The following FHAD1 variants were observed in gnomAD, a reference collection of about 807,000 sequenced individuals.
FHAD1 encodes forkhead-associated domain-containing protein 1.
A neutral mutation model predicts 191.3 loss-of-function variants in FHAD1; 146 were observed. The ratio of observed to expected loss-of-function variants is 0.76; its 90% CI spans 0.67 to 0.88. The LOEUF is 0.88. FHAD1 is among the 40% of genes least tolerant of loss of function. The pLI is 0.00. For synonymous variants in FHAD1, 616 were observed against 672.3 expected, an observed-to-expected ratio of 0.92 and a Z score of 1.29; for missense variants, 1,635 against 1,785.8, an observed-to-expected ratio of 0.92 and a Z score of 1.52.
intron 19 of FHAD1, among the ~76,000 whole-genome samples, chr1:15,352,355 G>A (rs1691197705): frequency 6.6e-6 from 1 of 152,108 alleles, no homozygotes; most frequent in African/African-American, 2.4e-5. Flanking sequence ...TGGCGTTTGT[G>A]TTCTCAGCTC....
chr1:15,323,065 C>T (rs1327533436), intron 10 of FHAD1, among the ~76,000 whole-genome samples: 7 of 152,162 alleles, frequency 4.6e-5, no homozygotes, highest in African/African-American at 1.7e-4. Flanking sequence ...GAGAACAGCA[C>T]GGGAAAGTCC....
chr1:15,362,860 G>A (rs1009591723), intron 23 of FHAD1, 134 bp downstream of exon 23: 10 of 685,848 alleles, frequency 1.5e-5, no homozygotes, highest in African/African-American at 3.5e-5. Flanking sequence ...TGCCTTCCCA[G>A]TGCTGCTTCC....
chr1:15,262,616 C>T lies in FHAD1; in HGVS notation c.94-9707C>T, dbSNP rs144655637. Among the ~76,000 whole-genome samples the T allele has an allele frequency of 7.2e-4, 110 of 152,330 alleles. 1 individual carries two copies. Among genetic ancestry groups the T allele is most frequent in the African/African-American group, 2.5e-3 (104 of 41,580 alleles). ...AGCATATGTTCTCAAGGTTCATCCA[C>T]GTTGTGGCAGAATTTCCTTTCTTTT... On this transcript the variant is annotated intron_variant, in intron 2 of 33. Coordinates refer to ENST00000688493, the MANE Select transcript of FHAD1 (RefSeq NM_001391957.1).
intron 10 of FHAD1, among the ~76,000 whole-genome samples, chr1:15,322,907 C>G (rs1434247364): frequency 3.3e-5 from 5 of 152,220 alleles, no homozygotes; most frequent in African/African-American, 1.2e-4. Context: ...ATTGGACTTA[C>G]AGTTCCACAT....
Position 15,381,155 on chromosome 1 carries a change from T to A in FHAD1, c.3802-76T>A. 1.1e-6 allele frequency: 1 copy of A among 941,532 alleles called. No individual in the cohort carries two copies. Among genetic ancestry groups the A allele is most frequent in the South Asian group, 1.6e-5 (1 of 64,018 alleles). The allele number at this position is 941,532 out of a possible 1,614,324, so 58.3% of individuals were successfully genotyped here. A position where few individuals can be genotyped will look rare whatever the true frequency, so the allele number is the denominator to read the frequency against. On this transcript the variant is annotated intron_variant, in intron 29 of 33. Transcript: ENST00000688493. The surrounding 1 kb of genome is among the most constrained non-coding windows in gnomAD (Gnocchi z 4.6). ...ATTGCAGAAAGTGAATGAAACAGAATTAGACATTGGCCTCCTTAAAGCGGC... is the reference window on the plus strand; with the variant it reads ...ATTGCAGAAAGTGAATGAAACAGAAATAGACATTGGCCTCCTTAAAGCGGC...
intron 21 of FHAD1, among the ~76,000 whole-genome samples, chr1:15,358,801 G>A (rs1044179319): frequency 2.0e-5 from 3 of 152,082 alleles, no homozygotes; most frequent in Admixed American, 6.5e-5. Flanking sequence ...ACGTTCAACC[G>A]ACAGGTTTCT....
At chr1:15,283,733 A>T (rs1282931005) in intron 3 of FHAD1, among the ~76,000 whole-genome samples, 1 of 152,150 alleles carries the variant, frequency 6.6e-6, no homozygotes, top group Non-Finnish European at 1.5e-5. Context: ...GGTGCTGCAC[A>T]TACCCTGTGA....
intron 4 of FHAD1, among the ~76,000 whole-genome samples, chr1:15,291,473 T>C (rs1409859600): frequency 1.3e-5 from 2 of 152,342 alleles, no homozygotes; most frequent in African/African-American, 4.8e-5. Context: ...TAAAATAAGT[T>C]TCCTACAGCT....
rs374360835 is a variant in FHAD1, at chr1:15,308,667, C to T, written c.970C>T (p.Arg324Trp). ...GGTGCTGTGCCAGACCCTGTCAGAG[C>T]GGAACTCAGAAATCACATCCCTGAA... is the stretch of plus-strand genomic sequence containing the variant. ...SKVLCQTLSE[R>W]NSEITSLKNE... The change falls in exon 7 of 34, where the codon CGG (arginine) becomes TGG (tryptophan). Residue 324 changes from arginine (R) to tryptophan (W), a missense_variant. Transcript: ENST00000688493. The T allele has an allele frequency of 4.0e-5, 62 of 1,551,628 alleles. No individual in the cohort carries two copies. Among genetic ancestry groups the T allele is most frequent in the Non-Finnish European group, 4.4e-5 (51 of 1,147,006 alleles).
intron 31 of FHAD1, chr1:15,384,215 C>G: frequency 6.3e-6 from 1 of 159,770 alleles, no homozygotes; most frequent in Non-Finnish European, 1.4e-5. Flanking sequence ...TTGCAGCCCC[C>G]AAAAATGAAG....
rs1672594887 is a variant in FHAD1 at position 15,312,541 on chromosome 1, A to C, written c.1040-516A>C. Among the ~76,000 whole-genome samples the C allele has an allele frequency of 6.6e-6, 1 of 152,204 alleles. No individual in the cohort carries two copies. Among genetic ancestry groups the C allele is most frequent in the African/African-American group, 2.4e-5 (1 of 41,456 alleles). On this transcript the variant is annotated intron_variant, in intron 7 of 33. Coordinates refer to ENST00000688493, the MANE Select transcript of FHAD1 (RefSeq NM_001391957.1). This position sits in a 1 kb window ranked among gnomAD's most constrained non-coding sequence, Gnocchi z 4.7. ...GCCAGGCATAGTGGCACGTACCTGT[A>C]GTCCTAGCTACTTGGGAGGCCAAGG...
At chr1:15,342,169 G>A (rs1183285949) in intron 16 of FHAD1, among the ~76,000 whole-genome samples, 1 of 152,208 alleles carries the variant, frequency 6.6e-6, no homozygotes, top group East Asian at 1.9e-4. Flanking sequence ...TGAGATCTGA[G>A]TCATCGCTGC....
intron 18 of FHAD1, 54 bp from the exon 19 acceptor site, chr1:15,348,988 C>A: frequency 9.6e-7 from 1 of 1,036,830 alleles, no homozygotes; most frequent in Admixed American, 2.4e-5. Context: ...TCATTACTAG[C>A]AATTTCCCCC....
At chr1:15,332,725 T>C (rs983334452) in intron 14 of FHAD1, among the ~76,000 whole-genome samples, 2 of 152,048 alleles carry the variant, frequency 1.3e-5, no homozygotes, top group African/African-American at 2.4e-5. Context: ...TAAAAATAAA[T>C]AAACACGGAT....
At chr1:15,393,097 C>CA (rs1704658012) in intron 33 of FHAD1, 2 of 127,884 alleles carry the variant, frequency 1.6e-5, no homozygotes, top group African/African-American at 3.2e-5. Context: ...TTTTTTGAGA[C>CA]AGAGTCTTGC....
chr1:15,284,588 A>G (rs902349727), intron 3 of FHAD1, among the ~76,000 whole-genome samples: 12 of 152,076 alleles, frequency 7.9e-5, no homozygotes, highest in Non-Finnish European at 7.4e-5. Context: ...GGAAGAATGC[A>G]TGGGTCCTGT....
intron 2 of FHAD1, among the ~76,000 whole-genome samples, chr1:15,267,540 C>T (rs181146125): frequency 2.4e-3 from 363 of 152,078 alleles, no homozygotes; most frequent in Middle Eastern, 0.014. Flanking sequence ...TCATTTCTTC[C>T]TTAAATGTCT....
In FHAD1 at chr1:15,311,986, C is replaced by G. The variant is rs894035650; in HGVS notation, c.1040-1071C>G. ...AATGACTCGCTCACATGGCTGTTGG[C>G]TGGAGGCCTCAGTTCCTCACCATGT... On this transcript the variant is annotated intron_variant, in intron 7 of 33. Transcript: ENST00000688493. This position sits in a 1 kb window ranked among gnomAD's most constrained non-coding sequence, Gnocchi z 4.1. 1 of 152,266 alleles carries G rather than the reference C, an allele frequency of 6.6e-6. No individual in the cohort carries two copies. Among genetic ancestry groups the G allele is most frequent in the African/African-American group, 2.4e-5 (1 of 41,464 alleles). The allele number at this position is 152,266 out of a possible 1,614,324, so 9.4% of individuals were successfully genotyped here.
chr1:15,299,005 C>CAA (rs58304783), intron 5 of FHAD1, among the ~76,000 whole-genome samples: 21 of 125,790 alleles, frequency 1.7e-4, no homozygotes, highest in East Asian at 8.8e-4. Context: ...TCGATTTCTG[C>CAA]AAAAAAAAAA....
Sources: gnomAD v4.1 joint callset for allele counts (sites outside exome capture counted in the v4.1 genomes callset) on GRCh38, gnomAD v4.1.1 for gene constraint, Gnocchi (gnomAD v3.1) non-coding constraint, MANE v1.5 for transcripts, NCBI Gene and HGNC (gene_info 2026-07-23, HGNC 2026-07-21) for gene names.